THSD4: variants seen among roughly 807,000 people sequenced by gnomAD.
THSD4 encodes thrombospondin type-1 domain-containing protein 4.
A neutral mutation model predicts 119.0 loss-of-function variants in THSD4; 69 were observed. The ratio of observed to expected loss-of-function variants is 0.58; its 90% confidence interval spans 0.48 to 0.71. The LOEUF is 0.71. Among genes scored for constraint, THSD4 ranks in the 30% least tolerant of loss-of-function variants. The pLI is 0.00. For missense variants in THSD4, 1,393 were observed against 1,391.1 expected, an observed-to-expected ratio of 1.00 and a Z score of -0.02; for synonymous variants, 524 against 540.4, an observed-to-expected ratio of 0.97 and a Z score of 0.42.
intron 5 of THSD4, among the ~76,000 whole-genome samples, chr15:71,251,971 T>C (rs1002342761): frequency 6.6e-6 from 1 of 152,228 alleles, no homozygotes; most frequent in Non-Finnish European, 1.5e-5. Flanking sequence ...ACGTCTTTAT[T>C]TCTCTTCCAT....
chr15:71,385,076 C>T (rs532025763), intron 6 of THSD4, among the ~76,000 whole-genome samples: 1 of 152,304 alleles, frequency 6.6e-6, no homozygotes, highest in East Asian at 1.9e-4. Flanking sequence ...TGTCAGACAT[C>T]TGAGGCCTAT....
chr15:71,625,989 C>T (rs1024997031), intron 7 of THSD4, among the ~76,000 whole-genome samples: 7 of 152,158 alleles, frequency 4.6e-5, no homozygotes, highest in Non-Finnish European at 8.8e-5. Flanking sequence ...GCACATCTCT[C>T]CAGTTATTTA....
intron 3 of THSD4, among the ~76,000 whole-genome samples, chr15:71,206,024 C>T (rs2043841048): frequency 6.6e-6 from 1 of 152,082 alleles, no homozygotes; most frequent in African/African-American, 2.4e-5. Flanking sequence ...ATAAACCTCC[C>T]ATCTGTTCTT....
At chr15:71,391,180 C>T (rs1164196789) in intron 6 of THSD4, among the ~76,000 whole-genome samples, 10 of 152,130 alleles carry the variant, frequency 6.6e-5, no homozygotes, top group Admixed American at 6.5e-4. Context: ...AGGCTCCCGC[C>T]ACCACGCCCA....
At chr15:71,216,834 G>A (rs1271228524) in intron 4 of THSD4, among the ~76,000 whole-genome samples, 1 of 152,222 alleles carries the variant, frequency 6.6e-6, no homozygotes, top group Non-Finnish European at 1.5e-5. Context: ...GTCTCACGCT[G>A]TCACCCAGGT....
At chr15:71,226,214 G>A (rs1036581544) in intron 4 of THSD4, among the ~76,000 whole-genome samples, 3 of 152,148 alleles carry the variant, frequency 2.0e-5, no homozygotes, top group African/African-American at 7.2e-5. Context: ...GGTAACAGCT[G>A]TAAAAGTACT....
At chr15:71,368,757 TG>T (rs1232360837) in intron 6 of THSD4, among the ~76,000 whole-genome samples, 27 of 152,208 alleles carry the variant, frequency 1.8e-4, no homozygotes, top group Non-Finnish European at 4.4e-5. Context: ...AGGATTGTCT[TG>T]GCTATGTGCG....
chr15:71,688,509 A>C (rs139671817), intron 8 of THSD4, among the ~76,000 whole-genome samples: 1 of 152,282 alleles, frequency 6.6e-6, no homozygotes, highest in East Asian at 1.9e-4. Flanking sequence ...TTAATGAAAT[A>C]TTTTCCCAAC....
At chr15:71,172,723 ATATATATATATG>A (rs2043391629) in intron 3 of THSD4, among the ~76,000 whole-genome samples, 3 of 116,198 alleles carry the variant, frequency 2.6e-5, no homozygotes, top group African/African-American at 4.1e-5. Flanking sequence ...ATATATATAT[ATATATATATATG>A]TGGACAATTG....
chr15:71,109,898 T>C lies in THSD4; in HGVS notation c.-80+12892T>C, dbSNP rs2040291369. On this transcript the variant is annotated intron_variant, in intron 1 of 17. Coordinates refer to the THSD4 transcript ENST00000355327. ...CTTGGAGACCGTGTGACTTTGTCGT[T>C]TGTAGTGCCCTGGTTTTATACATAA... Among the ~76,000 whole-genome samples the C allele has an allele frequency of 2.6e-5, 4 of 152,152 alleles. No individual in the cohort carries two copies. In the South Asian group the frequency reaches 8.3e-4, roughly 32 times the overall value.
intron 7 of THSD4, among the ~76,000 whole-genome samples, chr15:71,545,080 A>C (rs552599890): frequency 6.6e-5 from 10 of 152,246 alleles, no homozygotes; most frequent in Non-Finnish European, 1.3e-4. Context: ...TCTAGAAATG[A>C]ATAGTGGTGA....
chr15:71,410,186 C>A (rs1198876315), intron 6 of THSD4, among the ~76,000 whole-genome samples: 1 of 152,128 alleles, frequency 6.6e-6, no homozygotes, highest in Non-Finnish European at 1.5e-5. Context: ...TTTATCCATC[C>A]CTTGTTTCAT....
At chr15:71,302,938 C>A (rs565913207) in intron 6 of THSD4, among the ~76,000 whole-genome samples, 1 of 152,068 alleles carries the variant, frequency 6.6e-6, no homozygotes. Flanking sequence ...TACTTCCCTG[C>A]GAGTTCTTGG....
In THSD4 at chr15:71,777,794, G is replaced by A. The variant is rs760711314; in HGVS notation, c.*420G>A. The A allele has an allele frequency of 5.4e-4, 105 of 194,210 alleles. No homozygotes were observed. Among genetic ancestry groups the A allele is most frequent in the African/African-American group, 7.3e-4 (32 of 44,090 alleles). 12.0% of individuals were successfully genotyped at this position (194,210 alleles called of 1,614,324 possible). ...ACCCTGGAGAGTCCAAGGAGGCAGC[G>A]CCCCCAACCCAGCGCCCCACTAAGC... On this transcript the variant is annotated 3_prime_UTR_variant, in exon 18 of 18. Coordinates refer to ENST00000261862, the MANE Select transcript of THSD4 (RefSeq NM_024817.3).
At chr15:71,684,105 A>G (rs967947560) in intron 8 of THSD4, among the ~76,000 whole-genome samples, 2 of 152,214 alleles carry the variant, frequency 1.3e-5, no homozygotes, top group Admixed American at 6.5e-5. Context: ...GATTCATCAT[A>G]GGTATTTAAT....
intron 14 of THSD4, among the ~76,000 whole-genome samples, chr15:71,755,579 C>G (rs2053523438): frequency 6.6e-6 from 1 of 151,882 alleles, no homozygotes; most frequent in African/African-American, 2.4e-5. Flanking sequence ...GAGAAATGAA[C>G]AAGGCAGGGC....
chr15:71,609,193 A>G (rs908194165), intron 7 of THSD4, among the ~76,000 whole-genome samples: 3 of 152,238 alleles, frequency 2.0e-5, no homozygotes, highest in African/African-American at 7.2e-5. Flanking sequence ...GAAAAAAAGA[A>G]TAGAGGATGT....
intron 7 of THSD4, among the ~76,000 whole-genome samples, chr15:71,456,684 T>G (rs1273424525): frequency 6.6e-6 from 1 of 152,172 alleles, no homozygotes; most frequent in Non-Finnish European, 1.5e-5. Context: ...CAAGCCCCTA[T>G]TCTAGAAATT....
intron 7 of THSD4, among the ~76,000 whole-genome samples, chr15:71,605,525 G>A (rs573940856): frequency 1.6e-4 from 24 of 152,324 alleles, no homozygotes; most frequent in African/African-American, 5.1e-4. Context: ...CAAGTGAGGG[G>A]GAAGATGGCT....
Sources: allele counts gnomAD v4.1 joint callset (sites outside exome capture counted in the v4.1 genomes callset), GRCh38; gene constraint gnomAD v4.1.1; transcripts MANE v1.5; gene names NCBI Gene and HGNC (gene_info 2026-07-23, HGNC 2026-07-21).